Variants in BMPR1B observed in about 807,000 individuals in gnomAD.
BMPR1B encodes bone morphogenetic protein receptor type-1B.
A neutral mutation model predicts 59.1 loss-of-function variants in BMPR1B; 12 were observed. The observed-to-expected ratio is 0.20, with a 90% CI of 0.13 to 0.33. The LOEUF is 0.33. Ranked by LOEUF, BMPR1B falls within the 10% of genes least tolerant of loss-of-function variation. BMPR1B has a pLI of 1.00. For synonymous variants in BMPR1B, 237 were observed against 207.3 expected (o/e 1.14, Z -1.23); for missense variants, 550 against 610.9 (o/e 0.90, Z 1.05).
At chr4:94,961,450 T>C (rs1461219673) in intron 2 of BMPR1B, among the ~76,000 whole-genome samples, 2 of 152,188 alleles carry the variant, frequency 1.3e-5, no homozygotes, top group Admixed American at 6.5e-5. Context: ...TCTTTGAAAA[T>C]GTCTCTTTTA....
chr4:94,831,310 C>CG (rs1724579888), intron 1 of BMPR1B, among the ~76,000 whole-genome samples: 1 of 142,078 alleles, frequency 7.0e-6, no homozygotes, highest in Admixed American at 6.9e-5. Flanking sequence ...TATAGCTGTA[C>CG]AATGTGTTTG....
chr4:94,850,650 T>C (rs1481690593), intron 1 of BMPR1B, among the ~76,000 whole-genome samples: 1 of 152,322 alleles, frequency 6.6e-6, no homozygotes, highest in Non-Finnish European at 1.5e-5. Context: ...ATGAATCTTT[T>C]GGGCATCTGT....
intron 1 of BMPR1B, among the ~76,000 whole-genome samples, chr4:94,802,994 C>G (rs1723467322): frequency 6.6e-6 from 1 of 152,104 alleles, no homozygotes; most frequent in African/African-American, 2.4e-5. Context: ...TCACCCTTCT[C>G]TCTGGGGCAT....
In BMPR1B at chr4:95,138,111, A is replaced by C. The variant is rs1173279418; in HGVS notation, c.1076+6599A>C. Among the ~76,000 whole-genome samples, 4 of 152,166 alleles carry C rather than the reference A, an allele frequency of 2.6e-5. No individual in the cohort carries two copies. The East Asian group carries it at 5.8e-4, about 22-fold the overall frequency. Reference sequence around the variant, plus strand: ...TTGTAAGGCAGGCCTGATGGTGACAAAATCTCTCAGCATTTGCTTGTCTGT... The same window carrying C: ...TTGTAAGGCAGGCCTGATGGTGACACAATCTCTCAGCATTTGCTTGTCTGT... On this transcript the variant is annotated intron_variant, in intron 10 of 12. Transcript: ENST00000515059.
At chr4:94,771,105 C>G (rs1722170513) in intron 1 of BMPR1B, among the ~76,000 whole-genome samples, 2 of 152,072 alleles carry the variant, frequency 1.3e-5, no homozygotes, top group South Asian at 4.1e-4. Context: ...CAAGTACATA[C>G]AAGTAGCAGC....
At chr4:95,132,622 T>TC (rs1245447547) in intron 10 of BMPR1B, among the ~76,000 whole-genome samples, 3 of 152,048 alleles carry the variant, frequency 2.0e-5, no homozygotes, top group African/African-American at 7.3e-5. Flanking sequence ...TTCTGATTTT[T>TC]TTTTCCTCTG....
intron 2 of BMPR1B, among the ~76,000 whole-genome samples, chr4:94,933,038 G>A (rs1221317311): frequency 6.6e-6 from 1 of 152,016 alleles, no homozygotes; most frequent in Non-Finnish European, 1.5e-5. Flanking sequence ...GATAACCTCT[G>A]TCAGCATCTG....
chr4:94,992,564 G>A (rs1263579339), intron 2 of BMPR1B, among the ~76,000 whole-genome samples: 6 of 152,174 alleles, frequency 3.9e-5, no homozygotes, highest in African/African-American at 1.4e-4. Context: ...TGTTTTTAGT[G>A]TTAGAGATAA....
chr4:95,125,229 C>T, intron 8 of BMPR1B, 108 bp downstream of exon 8: 1 of 1,411,306 alleles, frequency 7.1e-7, no homozygotes, highest in African/African-American at 1.4e-5. Context: ...GGAGAAAGCT[C>T]TATGCAGTCT....
intron 1 of BMPR1B, among the ~76,000 whole-genome samples, chr4:94,846,865 GAA>G (rs2148942355): frequency 6.6e-6 from 1 of 151,726 alleles, no homozygotes; most frequent in East Asian, 1.9e-4. Flanking sequence ...AAACGTTGGG[GAA>G]ACTCTCTAGG....
chr4:95,084,678 G>A (rs17022969), intron 3 of BMPR1B, among the ~76,000 whole-genome samples: 1,884 of 152,206 alleles, frequency 0.012, 29 homozygotes, highest in African/African-American at 0.038. Flanking sequence ...ATCCCCATGC[G>A]GCATTACTAC....
chr4:94,859,314 T>C lies in BMPR1B; in HGVS notation c.-182-16517T>C, dbSNP rs542877926. ...TAACAGGATTTTAAAAAAACTTCCG[T>C]CTTTTAAATTTTAAAACGCTTTCCA... On this transcript the variant is annotated intron_variant, in intron 1 of 12. Coordinates refer to ENST00000515059, the MANE Select transcript of BMPR1B (RefSeq NM_001203.3). 5.3e-5 allele frequency among the ~76,000 whole-genome samples: 8 copies of C among 152,316 alleles called. No individual in the cohort carries two copies. The South Asian group carries it at 1.7e-3, about 32-fold the overall frequency.
intron 3 of BMPR1B, 57 bp from the exon 4 acceptor site, chr4:95,104,351 A>G: frequency 1.3e-6 from 2 of 1,575,934 alleles, no homozygotes; most frequent in Admixed American, 1.7e-5. Flanking sequence ...TCGTTTGAAC[A>G]GAAGACTGGG....
chr4:94,941,494 G>C (rs1338601732), intron 2 of BMPR1B, among the ~76,000 whole-genome samples: 1 of 151,396 alleles, frequency 6.6e-6, no homozygotes, highest in Non-Finnish European at 1.5e-5. Context: ...TTTAGCAGTT[G>C]AAAATAGTAC....
chr4:95,021,164 A>G (rs1452178863), intron 3 of BMPR1B, among the ~76,000 whole-genome samples: 2 of 152,234 alleles, frequency 1.3e-5, no homozygotes, highest in African/African-American at 4.8e-5. Context: ...TTTTTTCCCT[A>G]GGTCTAAAAT....
chr4:94,921,910 GATAA>G lies in BMPR1B; in HGVS notation c.-113+46015_-113+46018del, dbSNP rs1287587541. On this transcript the variant is annotated intron_variant, in intron 2 of 12. Coordinates refer to ENST00000515059, the MANE Select transcript of BMPR1B (RefSeq NM_001203.3). ...TTTAAAAGAAGATCCTAATATTTTAGATAAATAATCTTGGATTAGCAATTTTTCT... is the reference window on the plus strand; with the variant it reads ...TTTAAAAGAAGATCCTAATATTTTAGATAATCTTGGATTAGCAATTTTTCT... Among the ~76,000 whole-genome samples, 4 of 151,908 alleles carry G rather than the reference GATAA, an allele frequency of 2.6e-5. No homozygotes were observed. In the South Asian group the frequency reaches 6.2e-4, roughly 24 times the overall value.
intron 1 of BMPR1B, among the ~76,000 whole-genome samples, chr4:94,813,786 T>C (rs1723907768): frequency 6.6e-6 from 1 of 152,116 alleles, no homozygotes; most frequent in African/African-American, 2.4e-5. Context: ...GTGGGGGTGC[T>C]GAGAAGTGGT....
At chr4:95,091,933 C>A (rs1336128606) in intron 3 of BMPR1B, among the ~76,000 whole-genome samples, 1 of 151,846 alleles carries the variant, frequency 6.6e-6, no homozygotes, top group Non-Finnish European at 1.5e-5. Flanking sequence ...TGCGTGTTTG[C>A]CCCTACACAT....
At chr4:94,924,504 A>T (rs1728813197) in intron 2 of BMPR1B, among the ~76,000 whole-genome samples, 1 of 152,146 alleles carries the variant, frequency 6.6e-6, no homozygotes, top group South Asian at 2.1e-4. Context: ...AAGGACTATG[A>T]TAAAGAGTGG....
Sources: gnomAD v4.1 joint callset for allele counts (sites outside exome capture counted in the v4.1 genomes callset) on GRCh38, gnomAD v4.1.1 for gene constraint, MANE v1.5 for transcripts, NCBI Gene and HGNC (gene_info 2026-07-23, HGNC 2026-07-21) for gene names.